Variants in THEMIS observed in about 807,000 individuals in gnomAD.
THEMIS encodes protein THEMIS.
In THEMIS, 37 loss-of-function variants were observed where a neutral mutation model predicts 52.6. The observed-to-expected ratio is 0.70, with a 90% confidence interval of 0.54 to 0.93. THEMIS has a LOEUF of 0.93. THEMIS is among the 40% of genes least tolerant of loss of function. The probability of loss-of-function intolerance (pLI) is 0.00; values close to 1 mark genes in which losing one functional copy is unlikely to be tolerated. For synonymous variants in THEMIS, 292 were observed against 272.7 expected, an observed-to-expected ratio of 1.07 and a Z score of -0.70; for missense variants, 808 against 763.1, an observed-to-expected ratio of 1.06 and a Z score of -0.69.
chr6:127,795,603 C>T, intron 4 of THEMIS, among the ~76,000 whole-genome samples: 1 of 152,176 alleles, frequency 6.6e-6, no homozygotes, highest in East Asian at 1.9e-4. Flanking sequence ...GCTGGGATTA[C>T]AGGCGTGAGC....
chr6:127,858,379 A>G (rs1241132482), intron 1 of THEMIS, among the ~76,000 whole-genome samples: 2 of 152,104 alleles, frequency 1.3e-5, no homozygotes, highest in Admixed American at 6.6e-5. Flanking sequence ...AATGTTCTTC[A>G]ACCAAGAAAG....
intron 2 of THEMIS, among the ~76,000 whole-genome samples, chr6:127,845,286 G>C (rs1779176774): frequency 6.6e-6 from 1 of 151,836 alleles, no homozygotes; most frequent in Admixed American, 6.6e-5. Flanking sequence ...TAAATTATTG[G>C]ATAAATTTGA....
intron 3 of THEMIS, among the ~76,000 whole-genome samples, chr6:127,821,525 G>C (rs1778340281): frequency 6.6e-6 from 1 of 152,018 alleles, no homozygotes; most frequent in Non-Finnish European, 1.5e-5. Context: ...TATCCAAAGG[G>C]AGCTCCTGTG....
downstream of THEMIS, among the ~76,000 whole-genome samples, chr6:127,706,382 G>A (rs751693688): frequency 5.3e-5 from 8 of 152,036 alleles, no homozygotes; most frequent in Non-Finnish European, 1.0e-4. Context: ...GAAGCAGAAG[G>A]AGGCTCACAA....
intron 4 of THEMIS, among the ~76,000 whole-genome samples, chr6:127,749,930 C>A (rs980583319): frequency 2.0e-5 from 3 of 149,938 alleles, no homozygotes; most frequent in African/African-American, 7.4e-5. Context: ...AATAGACAGG[C>A]ACTTTGCTTG....
intron 4 of THEMIS, among the ~76,000 whole-genome samples, chr6:127,810,449 C>T (rs182813368): frequency 6.4e-4 from 97 of 152,248 alleles, no homozygotes; most frequent in African/African-American, 2.1e-3. Context: ...GTGGGCAGAG[C>T]CCTCATTAAT....
At chr6:127,896,622 T>G (rs1780975498) in intron 1 of THEMIS, among the ~76,000 whole-genome samples, 1 of 151,472 alleles carries the variant, frequency 6.6e-6, no homozygotes, top group Non-Finnish European at 1.5e-5. Flanking sequence ...AAGTTAATTC[T>G]AAAATGTATG....
intron 4 of THEMIS, among the ~76,000 whole-genome samples, chr6:127,726,044 A>G (rs951762318): frequency 6.6e-6 from 1 of 151,980 alleles, no homozygotes; most frequent in East Asian, 1.9e-4. Flanking sequence ...TTCAAATGTG[A>G]CCTTGCTGGC....
chr6:127,856,199 A>G lies in THEMIS; in HGVS notation c.92-1011T>C, dbSNP rs147510260. ...TGTTTTCTGAATTTTTCTGTGTAGA[A>G]CCACCTCCTCATAGAATTGTTCCTG... On this transcript the variant is annotated intron_variant, in intron 1 of 5. Transcript: ENST00000368248. Among the ~76,000 whole-genome samples, 8 of 151,888 alleles carry G rather than the reference A, an allele frequency of 5.3e-5. No individual in the cohort carries two copies. The East Asian group carries it at 1.6e-3, about 29-fold the overall frequency.
At chr6:127,892,868 T>C (rs1780852448) in intron 1 of THEMIS, among the ~76,000 whole-genome samples, 1 of 152,182 alleles carries the variant, frequency 6.6e-6, no homozygotes, top group African/African-American at 2.4e-5. Flanking sequence ...AATAATGATT[T>C]ATTGTTTCAT....
Position 127,719,721 on chromosome 6 carries a change from C to A in THEMIS, c.1861G>T (p.Glu621Ter). ...SQNDLVDEEKERSNRGATAIA... is the reference protein window; with the variant it reads ...SQNDLVDEEK Reference sequence around the variant, plus strand: ...GCTGTGGCCCCACGGTTGCTCCTTTCTTTCTCTTCATCCACCAAATCATTC... The same window carrying A: ...GCTGTGGCCCCACGGTTGCTCCTTTATTTCTCTTCATCCACCAAATCATTC... Residue 621 changes from glutamate to a stop codon, truncating the protein, a stop_gained, in exon 5 of 6, where the codon GAA becomes TAA. Transcript: ENST00000368248. LOFTEE classifies it high-confidence loss of function. The A allele has an allele frequency of 6.2e-7, 1 of 1,612,144 alleles. No homozygotes were observed. Among genetic ancestry groups the A allele is most frequent in the Non-Finnish European group, 8.5e-7 (1 of 1,178,880 alleles).
chr6:127,851,082 T>C (rs372626237), intron 2 of THEMIS, among the ~76,000 whole-genome samples: 1 of 151,400 alleles, frequency 6.6e-6, no homozygotes, highest in African/African-American at 2.4e-5. Context: ...GAAAATGCAA[T>C]TGAGATTATA....
At chr6:127,837,697 A>C (rs1194022087) in intron 2 of THEMIS, among the ~76,000 whole-genome samples, 3 of 151,946 alleles carry the variant, frequency 2.0e-5, no homozygotes, top group Non-Finnish European at 4.4e-5. Flanking sequence ...ACTCATTCTC[A>C]CTGGACTGAA....
At chr6:127,817,992 A>C (rs185469044) in intron 3 of THEMIS, among the ~76,000 whole-genome samples, 12 of 152,330 alleles carry the variant, frequency 7.9e-5, no homozygotes, top group Non-Finnish European at 1.3e-4. Flanking sequence ...TCCTTAAAAA[A>C]TGCCTGTCCT....
rs1466411751 is a variant in THEMIS, at chr6:127,878,788, T to C, written c.91+22054A>G. Among the ~76,000 whole-genome samples the C allele has an allele frequency of 3.9e-5, 6 of 152,336 alleles. No individual in the cohort carries two copies. The East Asian group carries it at 9.6e-4, about 24-fold the overall frequency. On this transcript the variant is annotated intron_variant, in intron 1 of 5. Coordinates refer to ENST00000368248, the MANE Select transcript of THEMIS (RefSeq NM_001010923.3). ...AGCCTGTGGTTTTCTAAAAACATGATGCTTTCTTGAATAATTCTGCTTTGT... is the reference window on the plus strand; with the variant it reads ...AGCCTGTGGTTTTCTAAAAACATGACGCTTTCTTGAATAATTCTGCTTTGT...
At chr6:127,859,933 C>A (rs1264774161) in intron 1 of THEMIS, among the ~76,000 whole-genome samples, 2 of 152,060 alleles carry the variant, frequency 1.3e-5, no homozygotes, top group Non-Finnish European at 2.9e-5. Flanking sequence ...TTTTTTGCTT[C>A]AGGATAGCAC....
chr6:127,787,928 C>T (rs1777031183), intron 4 of THEMIS, among the ~76,000 whole-genome samples: 1 of 135,108 alleles, frequency 7.4e-6, no homozygotes, highest in African/African-American at 2.7e-5. Context: ...TAAATAGATG[C>T]TCTTCTGGTA....
At chr6:127,757,197 G>T (rs145810061) in intron 4 of THEMIS, among the ~76,000 whole-genome samples, 9 of 152,080 alleles carry the variant, frequency 5.9e-5, no homozygotes, top group Non-Finnish European at 1.2e-4. Flanking sequence ...GCTAGTGGCC[G>T]TATTAGTCAC....
At chr6:127,883,550 A>G (rs1780553299) in intron 1 of THEMIS, among the ~76,000 whole-genome samples, 2 of 152,036 alleles carry the variant, frequency 1.3e-5, no homozygotes, top group African/African-American at 2.4e-5. Flanking sequence ...ACATACACAT[A>G]TAAAATATAT....
Sources: allele counts gnomAD v4.1 joint callset (sites outside exome capture counted in the v4.1 genomes callset), GRCh38; gene constraint gnomAD v4.1.1; transcripts MANE v1.5; gene names NCBI Gene and HGNC (gene_info 2026-07-23, HGNC 2026-07-21).